PARD3B: variants seen among roughly 807,000 people sequenced by gnomAD.
PARD3B encodes par-3 family cell polarity regulator beta, also known as partitioning defective 3 homolog B.
PARD3B carries 103 observed loss-of-function variants against 130.2 expected under a neutral mutation model. That is an observed-to-expected ratio of 0.79 (90% confidence interval 0.67 to 0.93). The LOEUF (loss-of-function observed/expected upper bound fraction) is 0.93. Among genes scored for constraint, PARD3B ranks in the 40% least tolerant of loss-of-function variants. The pLI, the probability that PARD3B is intolerant of heterozygous loss-of-function variation, is 0.00. For missense variants in PARD3B, 1,609 were observed against 1,499.2 expected, an observed-to-expected ratio of 1.07 and a Z score of -1.21; for synonymous variants, 583 against 553.2, an observed-to-expected ratio of 1.05 and a Z score of -0.76.
chr2:205,247,671 G>A (rs985626043), intron 16 of PARD3B, among the ~76,000 whole-genome samples: 4 of 152,116 alleles, frequency 2.6e-5, no homozygotes, highest in South Asian at 2.1e-4. Context: ...ACTACTTCAC[G>A]TTTTTCATTG....
rs1472214771 is a variant in PARD3B at position 205,230,023 on chromosome 2, G to A, written c.2141-15755G>A. Among the ~76,000 whole-genome samples the A allele has an allele frequency of 6.6e-6, 1 of 151,808 alleles. No individual in the cohort carries two copies. The highest frequency in any genetic ancestry group is 2.0e-4 in the East Asian group (1 of 5,126). ...CTCATGGTGAATGCTGCCAGGCCTG[G>A]GACTCTCTCTTCAGGGCAGTGGGCT... On this transcript the variant is annotated intron_variant, in intron 15 of 22. Coordinates refer to ENST00000406610, the MANE Select transcript of PARD3B (RefSeq NM_001302769.2). The surrounding 1 kb of genome is among the most constrained non-coding windows in gnomAD (Gnocchi z 4.1).
rs369183519 is a variant in PARD3B at position 204,735,526 on chromosome 2, T to C, written c.222+49244T>C. 6.1e-4 allele frequency among the ~76,000 whole-genome samples: 93 copies of C among 152,252 alleles called. 1 individual carries two copies. The highest frequency in any genetic ancestry group is 1.9e-3 in the African/African-American group (81 of 41,558). On this transcript the variant is annotated intron_variant, in intron 2 of 22. Transcript: ENST00000406610. ...ATTGACTGGACTCTTCAAAAAGTTA[T>C]GTCAAAAACAAACAATAAGAAAACA...
At position 204,965,303 on chromosome 2, in the gene PARD3B, C is replaced by G; in HGVS notation, c.374C>G (p.Thr125Ser). The G allele has an allele frequency of 1.9e-6, 3 of 1,613,780 alleles. No homozygotes were observed. The highest frequency in any genetic ancestry group is 1.7e-6 in the Non-Finnish European group (2 of 1,179,840). ...CCAATTGGTGGGGAGATTGAAGTAA[C>G]CCCTTCTGCTCTAAAACTAGGTATG... ...FKPIGGEIEV[T>S]PSALKLGTPL... The change falls in exon 3 of 23, where the codon ACC becomes AGC. Residue 125 changes from threonine (T) to serine (S), a missense_variant. Coordinates refer to ENST00000406610, the MANE Select transcript of PARD3B (RefSeq NM_001302769.2).
intron 2 of PARD3B, among the ~76,000 whole-genome samples, chr2:204,951,792 C>T (rs1468824844): frequency 6.6e-6 from 1 of 152,118 alleles, no homozygotes; most frequent in East Asian, 1.9e-4. Context: ...GGTGATAAAC[C>T]AGCTGAATCC....
chr2:204,686,136 T>C lies in PARD3B; in HGVS notation c.121-45T>C, dbSNP rs745344968. 18 of 1,341,890 alleles carry C rather than the reference T, an allele frequency of 1.3e-5. No homozygotes were observed. In the East Asian group the frequency reaches 2.1e-4, roughly 15 times the overall value. 83.1% of individuals were successfully genotyped at this position (1,341,890 alleles called of 1,614,324 possible). A position where few individuals can be genotyped will look rare whatever the true frequency, so the allele number is the denominator to read the frequency against. ...CTTAACATTAAAATGTGTTTAACTTTTTAACATAGATTAGGTCATTAAACT... is the reference window on the plus strand; with the variant it reads ...CTTAACATTAAAATGTGTTTAACTTCTTAACATAGATTAGGTCATTAAACT... On this transcript the variant is annotated intron_variant, in intron 1 of 22. Transcript: ENST00000406610.
chr2:205,520,583 C>CATT, intron 21 of PARD3B, among the ~76,000 whole-genome samples: 1 of 151,978 alleles, frequency 6.6e-6, no homozygotes, highest in African/African-American at 2.4e-5. Context: ...CTCTAAAATG[C>CATT]TTAGGTAATT....
intron 10 of PARD3B, among the ~76,000 whole-genome samples, chr2:205,153,012 G>T (rs766281505): frequency 7.2e-5 from 11 of 152,164 alleles, no homozygotes; most frequent in Non-Finnish European, 1.5e-4. Context: ...TAACACTCAG[G>T]ACGCTCAGCT....
intron 2 of PARD3B, among the ~76,000 whole-genome samples, chr2:204,764,456 C>T (rs2018532): frequency 0.022 from 3,316 of 152,204 alleles, 113 homozygotes; most frequent in African/African-American, 0.074. Context: ...GTGCCTGCAG[C>T]TTGATTTCTA....
In PARD3B at chr2:205,530,686, C is replaced by T. The variant is rs1559184341; in HGVS notation, c.3181-22638C>T. Reference sequence around the variant, plus strand: ...GTGTGGTTAGCAGGGTAAGAGCTAACTTGGATTCCTTTCTTTCATAATCCC... The same window carrying T: ...GTGTGGTTAGCAGGGTAAGAGCTAATTTGGATTCCTTTCTTTCATAATCCC... On this transcript the variant is annotated intron_variant, in intron 21 of 22. Transcript: ENST00000406610. The surrounding 1 kb of genome is among the most constrained non-coding windows in gnomAD (Gnocchi z 4.7). 6.6e-6 allele frequency among the ~76,000 whole-genome samples: 1 copy of T among 151,458 alleles called. No homozygotes were observed. The highest frequency in any genetic ancestry group is 6.6e-5 in the Admixed American group (1 of 15,238).
At chr2:204,725,458 A>G (rs1355979755) in intron 2 of PARD3B, among the ~76,000 whole-genome samples, 5 of 152,282 alleles carry the variant, frequency 3.3e-5, no homozygotes, top group East Asian at 1.9e-4. Context: ...TTCATTTGCC[A>G]TATTTTATTT....
chr2:205,597,188 A>AGTCCCCAGG (rs2054603468), intron 22 of PARD3B, among the ~76,000 whole-genome samples: 1 of 151,414 alleles, frequency 6.6e-6, no homozygotes, highest in Non-Finnish European at 1.5e-5. Flanking sequence ...CTCACTCTCT[A>AGTCCCCAGG]CTCTTGTAGT....
At chr2:204,970,786 T>A (rs1691633792) in intron 3 of PARD3B, among the ~76,000 whole-genome samples, 1 of 152,222 alleles carries the variant, frequency 6.6e-6, no homozygotes, top group Admixed American at 6.5e-5. Context: ...GTGATCTAGA[T>A]TACCTTGATA....
intron 21 of PARD3B, among the ~76,000 whole-genome samples, chr2:205,528,952 G>T (rs371771887): frequency 6.6e-6 from 1 of 152,080 alleles, no homozygotes; most frequent in East Asian, 1.9e-4. Flanking sequence ...AAGTATTTTT[G>T]TAGATTAAGT....
At chr2:205,123,509 A>G (rs2031008182) in intron 8 of PARD3B, among the ~76,000 whole-genome samples, 1 of 152,148 alleles carries the variant, frequency 6.6e-6, no homozygotes, top group Admixed American at 6.5e-5. Context: ...CTAGGGGACA[A>G]ACTGGTCTAA....
intron 22 of PARD3B, among the ~76,000 whole-genome samples, chr2:205,593,019 G>A (rs1006262767): frequency 6.6e-6 from 1 of 152,166 alleles, no homozygotes; most frequent in Non-Finnish European, 1.5e-5. Context: ...TTTATATTTG[G>A]GTTTTTAATT....
rs539422908 is a variant in PARD3B, at chr2:205,028,662, C to T, written c.395-18919C>T. ...TCTCACCACTTCTATTCAACATAGT[C>T]CCATAAGTCCTAGCCAGAGCAATTA... On this transcript the variant is annotated intron_variant, in intron 3 of 22. Transcript: ENST00000406610. Among the ~76,000 whole-genome samples the T allele has an allele frequency of 6.6e-5, 10 of 152,200 alleles. No homozygotes were observed. The South Asian group carries it at 2.1e-3, about 32-fold the overall frequency.
At chr2:205,002,851 G>A (rs565745150) in intron 3 of PARD3B, among the ~76,000 whole-genome samples, 35 of 152,106 alleles carry the variant, frequency 2.3e-4, no homozygotes, top group Admixed American at 1.2e-3. Context: ...CAGTGACTTC[G>A]TATGAATTTA....
chr2:205,551,021 C>T (rs2052622437), intron 21 of PARD3B, among the ~76,000 whole-genome samples: 1 of 146,262 alleles, frequency 6.8e-6, no homozygotes, highest in Non-Finnish European at 1.5e-5. Flanking sequence ...TTCCTCGAGG[C>T]ACCAGAACAG....
chr2:204,836,658 C>A (rs1258752020), intron 2 of PARD3B, among the ~76,000 whole-genome samples: 2 of 151,984 alleles, frequency 1.3e-5, no homozygotes, highest in Non-Finnish European at 2.9e-5. Flanking sequence ...GAGACTCCAT[C>A]TCCGAAAAAA....
Sources: allele counts gnomAD v4.1 joint callset (sites outside exome capture counted in the v4.1 genomes callset), GRCh38; gene constraint gnomAD v4.1.1; non-coding constraint Gnocchi (gnomAD v3.1); transcripts MANE v1.5; gene names NCBI Gene and HGNC (gene_info 2026-07-23, HGNC 2026-07-21).